The following FSTL4 variants were observed in gnomAD, a reference collection of about 807,000 sequenced individuals.
FSTL4 encodes follistatin-related protein 4.
Under a neutral mutation model 78.2 loss-of-function variants are expected in FSTL4, and 28 were observed. The ratio of observed to expected loss-of-function variants is 0.36; its 90% CI spans 0.27 to 0.49. The LOEUF (loss-of-function observed/expected upper bound fraction) is 0.49. Ranked by LOEUF, FSTL4 falls within the 20% of genes least tolerant of loss-of-function variation. The probability of loss-of-function intolerance (pLI) is 0.98; values close to 1 mark genes in which losing one functional copy is unlikely to be tolerated. For synonymous variants in FSTL4, 422 were observed against 440.5 expected (o/e 0.96, Z 0.53); for missense variants, 922 against 1,084.9 (o/e 0.85, Z 2.11).
chr5:133,364,902 C>T (rs1432414010), intron 4 of FSTL4, among the ~76,000 whole-genome samples: 1 of 152,054 alleles, frequency 6.6e-6, no homozygotes. Context: ...TTTTGATGTT[C>T]ATCCCCCTCT....
chr5:133,211,683 A>G (rs1385439169), intron 13 of FSTL4, among the ~76,000 whole-genome samples: 1 of 152,282 alleles, frequency 6.6e-6, no homozygotes, highest in Middle Eastern at 3.4e-3. Context: ...AAGATTCCAC[A>G]TGATTAAACC....
At chr5:133,713,176 A>C in the FSTL4 span, among the ~76,000 whole-genome samples, 1 of 152,240 alleles carries the variant, frequency 6.6e-6, no homozygotes, top group Non-Finnish European at 1.5e-5. Context: ...TTATCTTAAA[A>C]ATTAAGATAA....
At chr5:133,322,981 A>T (rs1357541891) in intron 4 of FSTL4, among the ~76,000 whole-genome samples, 20 of 152,194 alleles carry the variant, frequency 1.3e-4, no homozygotes, top group Admixed American at 1.3e-3. Flanking sequence ...GCAGCATTAC[A>T]GTATGAAATG....
the FSTL4 span, among the ~76,000 whole-genome samples, chr5:133,732,743 C>T: frequency 6.7e-6 from 1 of 150,000 alleles, no homozygotes; most frequent in East Asian, 1.9e-4. Context: ...CCTCCGGCAG[C>T]AGTGAATTGA....
rs567065724 is a variant in FSTL4 at position 133,440,440 on chromosome 5, T to C, written c.161-39454A>G. Among the ~76,000 whole-genome samples the C allele has an allele frequency of 6.6e-6, 1 of 152,340 alleles. No individual in the cohort carries two copies. The highest frequency in any genetic ancestry group is 2.4e-5 in the African/African-American group (1 of 41,572). ...CTCAGCAGCCAGCCTAATGTGGGGC[T>C]GCACTGAGCCCTTACATCTGGCTGG... On this transcript the variant is annotated intron_variant, in intron 3 of 15. Coordinates refer to ENST00000265342, the MANE Select transcript of FSTL4 (RefSeq NM_015082.2). This position sits in a 1 kb window ranked among gnomAD's most constrained non-coding sequence, Gnocchi z 4.1.
intron 4 of FSTL4, among the ~76,000 whole-genome samples, chr5:133,395,554 C>G (rs560824332): frequency 6.6e-6 from 1 of 152,338 alleles, no homozygotes; most frequent in African/African-American, 2.4e-5. Flanking sequence ...CAATTCTGGA[C>G]ACAACACTGG....
the FSTL4 span, among the ~76,000 whole-genome samples, chr5:133,627,455 T>A: frequency 2.0e-5 from 3 of 152,182 alleles, no homozygotes; most frequent in African/African-American, 7.2e-5. Flanking sequence ...GATTCAATTA[T>A]CTCTCACTGG....
At chr5:133,708,336 AT>A in the FSTL4 span, among the ~76,000 whole-genome samples, 2 of 151,980 alleles carry the variant, frequency 1.3e-5, no homozygotes, top group Admixed American at 6.6e-5. Context: ...CGCCCTTTTC[AT>A]CTCCTCCAGG....
intron 3 of FSTL4, among the ~76,000 whole-genome samples, chr5:133,558,652 G>A (rs936875258): frequency 1.3e-5 from 2 of 150,828 alleles, no homozygotes; most frequent in African/African-American, 2.4e-5. Context: ...TCTTTTTAAT[G>A]CAGGCCCTGA....
intron 7 of FSTL4, among the ~76,000 whole-genome samples, chr5:133,234,541 T>C (rs1751598723): frequency 6.6e-6 from 1 of 152,186 alleles, no homozygotes; most frequent in South Asian, 2.1e-4. Context: ...ATGCCAGGAA[T>C]TGGAATTACC....
chr5:133,344,122 C>T (rs1418499380), intron 4 of FSTL4, among the ~76,000 whole-genome samples: 1 of 152,098 alleles, frequency 6.6e-6, no homozygotes, highest in Non-Finnish European at 1.5e-5. Context: ...CCTGAGACAG[C>T]CTGTGAAACA....
At chr5:133,527,109 T>C (rs1759146213) in intron 3 of FSTL4, among the ~76,000 whole-genome samples, 1 of 152,140 alleles carries the variant, frequency 6.6e-6, no homozygotes, top group Non-Finnish European at 1.5e-5. Flanking sequence ...TCATTCTCAG[T>C]CCCCACATGT....
At chr5:133,221,535 G>A (rs1365829003) in intron 11 of FSTL4, among the ~76,000 whole-genome samples, 1 of 152,020 alleles carries the variant, frequency 6.6e-6, no homozygotes, top group Non-Finnish European at 1.5e-5. Flanking sequence ...CAAACCAGCT[G>A]AGAAGGGGCC....
At chr5:133,327,952 A>T (rs1382041254) in intron 4 of FSTL4, among the ~76,000 whole-genome samples, 3 of 152,182 alleles carry the variant, frequency 2.0e-5, no homozygotes, top group Non-Finnish European at 4.4e-5. Context: ...GCCTTGCATC[A>T]AGGCTGCCAA....
At chr5:133,231,033 G>A (rs1009817613) in intron 8 of FSTL4, among the ~76,000 whole-genome samples, 1 of 152,004 alleles carries the variant, frequency 6.6e-6, no homozygotes, top group Non-Finnish European at 1.5e-5. Context: ...GCCACTTCTA[G>A]ATCATTCTCG....
the FSTL4 span, among the ~76,000 whole-genome samples, chr5:133,754,473 G>GTTA: frequency 6.6e-6 from 1 of 152,176 alleles, no homozygotes; most frequent in Non-Finnish European, 1.5e-5. Flanking sequence ...AATGGCAGAA[G>GTTA]TTATAATGGA....
the FSTL4 span, among the ~76,000 whole-genome samples, chr5:133,732,914 A>G: frequency 2.6e-5 from 4 of 152,128 alleles, no homozygotes; most frequent in African/African-American, 9.7e-5. Flanking sequence ...TTGACTTCTC[A>G]CTGTGTGTCA....
intron 4 of FSTL4, among the ~76,000 whole-genome samples, chr5:133,389,682 G>A (rs939735647): frequency 1.3e-5 from 2 of 152,050 alleles, no homozygotes; most frequent in South Asian, 4.1e-4. Context: ...CTCTAATCTC[G>A]GGTTCCCCAA....
intron 3 of FSTL4, among the ~76,000 whole-genome samples, chr5:133,546,229 G>A (rs1759569530): frequency 6.6e-6 from 1 of 152,124 alleles, no homozygotes; most frequent in Non-Finnish European, 1.5e-5. Flanking sequence ...AAAAGTGGCT[G>A]GATGCAGTGG....
Sources: gnomAD v4.1 joint callset for allele counts (sites outside exome capture counted in the v4.1 genomes callset) on GRCh38, gnomAD v4.1.1 for gene constraint, Gnocchi (gnomAD v3.1) non-coding constraint, MANE v1.5 for transcripts, NCBI Gene and HGNC (gene_info 2026-07-23, HGNC 2026-07-21) for gene names.